The following POU2AF1 variants were observed in gnomAD, a reference collection of about 807,000 sequenced individuals.
POU2AF1 encodes POU class 2 homeobox associating factor 1, also known as POU domain class 2-associating factor 1.
A neutral mutation model predicts 26.3 loss-of-function variants in POU2AF1; 12 were observed. The ratio of observed to expected loss-of-function variants is 0.46; its 90% CI spans 0.29 to 0.74. The LOEUF (loss-of-function observed/expected upper bound fraction) is 0.74, where lower values mean the gene tolerates loss of function less well. POU2AF1 is among the 30% of genes least tolerant of loss of function. The pLI, the probability that POU2AF1 is intolerant of heterozygous loss-of-function variation, is 0.09. For synonymous variants in POU2AF1, 175 were observed against 148.0 expected, an observed-to-expected ratio of 1.18 and a Z score of -1.32; for missense variants, 297 against 334.5, an observed-to-expected ratio of 0.89 and a Z score of 0.87.
At chr11:111,370,473 G>A (rs1447733166) in intron 1 of POU2AF1, among the ~76,000 whole-genome samples, 1 of 152,140 alleles carries the variant, frequency 6.6e-6, no homozygotes, top group Non-Finnish European at 1.5e-5. Context: ...TAAAAAGAGG[G>A]GTAGATTGGC....
At chr11:111,373,979 G>A (rs1234648380) in intron 1 of POU2AF1, among the ~76,000 whole-genome samples, 7 of 152,190 alleles carry the variant, frequency 4.6e-5, no homozygotes, top group African/African-American at 1.7e-4. Flanking sequence ...TTCATTAAGT[G>A]GGAAGATAAA....
At chr11:111,369,706 C>A (rs182714472) in intron 1 of POU2AF1, among the ~76,000 whole-genome samples, 9 of 152,272 alleles carry the variant, frequency 5.9e-5, no homozygotes, top group Admixed American at 5.9e-4. Context: ...CCAGACCTAC[C>A]GTCCCAGACC....
In POU2AF1 at chr11:111,357,675, C is replaced by G; in HGVS notation, c.226G>C (p.Ala76Pro). The change falls in exon 4 of 5, where the codon GCA (alanine) becomes CCA (proline). Residue 76 changes from alanine (A) to proline (P), a missense_variant. By Grantham distance (27) the Ala-to-Pro change is conservative. Transcript: ENST00000393067. ...SCLDMEGSVS[A>P]VTEEAALCAG... ...CACAGGGCAGCCTCCTCTGTCACTG[C>G]AGACACAGAACCTTCCATGTCCAGG... is the stretch of plus-strand genomic sequence containing the variant. 1 of 1,613,204 alleles carries G rather than the reference C, an allele frequency of 6.2e-7. No individual in the cohort carries two copies. Among genetic ancestry groups the G allele is most frequent in the Non-Finnish European group, 8.5e-7 (1 of 1,179,618 alleles).
At chr11:111,376,251 T>A (rs1861308574) in intron 1 of POU2AF1, among the ~76,000 whole-genome samples, 1 of 152,170 alleles carries the variant, frequency 6.6e-6, no homozygotes, top group African/African-American at 2.4e-5. Context: ...GATAAGGAAA[T>A]GAATGGAAAT....
intron 4 of POU2AF1, among the ~76,000 whole-genome samples, chr11:111,355,157 A>G (rs1860818180): frequency 6.6e-6 from 1 of 152,166 alleles, no homozygotes; most frequent in Admixed American, 6.5e-5. Context: ...GGCCATCCCC[A>G]GATGGGGGAA....
At chr11:111,363,739 A>G (rs1219780749) in intron 1 of POU2AF1, 5 of 848,720 alleles carry the variant, frequency 5.9e-6, no homozygotes, top group African/African-American at 1.8e-5. Flanking sequence ...TAGAAGCCCA[A>G]TTTCCCACAG....
At chr11:111,373,605 G>A (rs1861253580) in intron 1 of POU2AF1, among the ~76,000 whole-genome samples, 1 of 152,198 alleles carries the variant, frequency 6.6e-6, no homozygotes, top group African/African-American at 2.4e-5. Context: ...CCTCAATCAA[G>A]TTCAATCTCC....
chr11:111,379,271 C>A lies in POU2AF1; in HGVS notation c.-94G>T. On this transcript the variant is annotated 5_prime_UTR_variant, in exon 1 of 5. Coordinates refer to ENST00000393067, the MANE Select transcript of POU2AF1 (RefSeq NM_006235.3). ...GTGTGTTTTCCTCCAGTGGAGCCAC[C>A]GCTTGAGCTGAGGCTGTTTCCTGGG... The A allele has an allele frequency of 1.3e-6, 2 of 1,508,284 alleles. No individual in the cohort carries two copies. The highest frequency in any genetic ancestry group is 1.1e-5 in the South Asian group (1 of 88,894). The allele number at this position is 1,508,284 out of a possible 1,614,324, so 93.4% of individuals were successfully genotyped here. A position where few individuals can be genotyped will look rare whatever the true frequency, so the allele number is the denominator to read the frequency against.
chr11:111,354,809 T>C (rs1216455870), intron 4 of POU2AF1, among the ~76,000 whole-genome samples: 1 of 152,194 alleles, frequency 6.6e-6, no homozygotes, highest in African/African-American at 2.4e-5. Context: ...CTCAGGCCAC[T>C]TCCTGCTCAG....
intron 1 of POU2AF1, among the ~76,000 whole-genome samples, chr11:111,376,601 G>A (rs1389038729): frequency 2.0e-5 from 3 of 152,160 alleles, no homozygotes; most frequent in African/African-American, 7.2e-5. Flanking sequence ...TAGGGTCATG[G>A]GCTAGGTAGG....
At chr11:111,370,652 C>T (rs889114583) in intron 1 of POU2AF1, among the ~76,000 whole-genome samples, 1 of 152,160 alleles carries the variant, frequency 6.6e-6, no homozygotes, top group Non-Finnish European at 1.5e-5. Context: ...TGAAGTTCTA[C>T]AGTAGATTTG....
At chr11:111,359,059 TCTCCAGTATTGTCA>T in intron 1 of POU2AF1, 141 bp from the exon 2 acceptor site, 1 of 1,379,450 alleles carries the variant, frequency 7.2e-7, no homozygotes, top group Non-Finnish European at 9.6e-7. Context: ...CTAGAATGCC[TCTCCAGTATTGTCA>T]CTCCTCCTAC....
In POU2AF1 at chr11:111,357,562, A is replaced by G; in HGVS notation, c.339T>C (p.Ala113=). The change falls in exon 4 of 5, where the codon GCT becomes GCC. Residue 113 remains alanine (A), a synonymous_variant. Transcript: ENST00000393067. The stretch of plus-strand genomic sequence containing the variant: ...TGTCAGCTGAGTAGGGGCAGCTGAC[A>G]GCTTCATGGGGCACATACTCGGTGT... ...TPYTEYVPHE[A]VSCPYSADMY... 1 of 1,614,156 alleles carries G rather than the reference A, an allele frequency of 6.2e-7. No homozygotes were observed. The highest frequency in any genetic ancestry group is 8.5e-7 in the Non-Finnish European group (1 of 1,179,998).
chr11:111,355,518 T>C (rs1426619289), intron 4 of POU2AF1, among the ~76,000 whole-genome samples: 3 of 152,172 alleles, frequency 2.0e-5, no homozygotes, highest in African/African-American at 7.2e-5. Flanking sequence ...CCCTGTCATA[T>C]ATCCCTCCTA....
At chr11:111,371,846 GA>G (rs1861214719) in intron 1 of POU2AF1, among the ~76,000 whole-genome samples, 1 of 152,056 alleles carries the variant, frequency 6.6e-6, no homozygotes, top group African/African-American at 2.4e-5. Context: ...GAGGAAAAAG[GA>G]CTTACCAGTG....
Position 111,354,573 on chromosome 11 carries a change from T to C in POU2AF1, c.459A>G (p.Thr153=), listed in dbSNP as rs758309976. ...CCACTGCGGGCGTGGCGGAGCTTCTTGTCTGTGACAGGAAAACACGTGACA... is the reference window on the plus strand; with the variant it reads ...CCACTGCGGGCGTGGCGGAGCTTCTCGTCTGTGACAGGAAAACACGTGACA... ...ASPPLITNVT[T]RSSATPAVGP... is the part of the protein sequence containing the mutation. Residue 153 remains threonine, a splice_region_variant and synonymous_variant, in exon 5 of 5, where the codon ACA becomes ACG. Coordinates refer to ENST00000393067, the MANE Select transcript of POU2AF1 (RefSeq NM_006235.3). The C allele has an allele frequency of 3.3e-6, 5 of 1,518,694 alleles. No individual in the cohort carries two copies. The Admixed American group carries it at 7.1e-5, about 22-fold the overall frequency. The allele number at this position is 1,518,694 out of a possible 1,614,324, so 94.1% of individuals were successfully genotyped here.
chr11:111,366,361 C>T (rs191730368), intron 1 of POU2AF1, among the ~76,000 whole-genome samples: 13 of 152,174 alleles, frequency 8.5e-5, no homozygotes, highest in Admixed American at 2.6e-4. Context: ...AGAAAACTGA[C>T]GTTAAAGGTG....
At chr11:111,377,658 G>A (rs2135144013) in intron 1 of POU2AF1, 1 of 171,078 alleles carries the variant, frequency 5.8e-6, no homozygotes, top group Middle Eastern at 2.5e-3. Context: ...GCTCATAGAA[G>A]GTAGGAGCTG....
intron 1 of POU2AF1, among the ~76,000 whole-genome samples, chr11:111,368,264 G>A (rs1349134706): frequency 1.3e-5 from 2 of 152,172 alleles, no homozygotes; most frequent in Non-Finnish European, 1.5e-5. Context: ...ACTGTATAGA[G>A]GTGAGTGCAA....
Sources: allele counts gnomAD v4.1 joint callset (sites outside exome capture counted in the v4.1 genomes callset), GRCh38; gene constraint gnomAD v4.1.1; transcripts MANE v1.5; gene names NCBI Gene and HGNC (gene_info 2026-07-23, HGNC 2026-07-21).